INPP5F: variants seen among roughly 807,000 people sequenced by gnomAD.
INPP5F encodes the protein phosphatidylinositide 4-phosphatase SAC2.
A neutral mutation model predicts 137.2 loss-of-function variants in INPP5F; 97 were observed. The ratio of observed to expected loss-of-function variants is 0.71; its 90% CI spans 0.60 to 0.84. The LOEUF is 0.84. Among genes scored for constraint, INPP5F ranks in the 40% least tolerant of loss-of-function variants. The probability of loss-of-function intolerance (pLI) is 0.00; values close to 1 mark genes in which losing one functional copy is unlikely to be tolerated. For missense variants in INPP5F, 1,271 were observed against 1,371.9 expected (o/e 0.93, Z 1.16); for synonymous variants, 504 against 476.9 (o/e 1.06, Z -0.74).
At chr10:119,769,993 A>G (rs1022405669) in intron 2 of INPP5F, among the ~76,000 whole-genome samples, 2 of 152,264 alleles carry the variant, frequency 1.3e-5, no homozygotes, top group Admixed American at 6.5e-5. Flanking sequence ...CTAAAGTGGT[A>G]TGAAAATCTT....
chr10:119,785,286 G>GTTTTTTTTGTTTTTTTTTTTTTTTTTT (rs1849846687), intron 3 of INPP5F, among the ~76,000 whole-genome samples: 2 of 106,238 alleles, frequency 1.9e-5, no homozygotes, highest in African/African-American at 7.5e-5. Flanking sequence ...CTGCCAGACT[G>GTTTTTTTTGTTTTTTTTTTTTTTTTTT]TTTTTTTTTT....
intron 19 of INPP5F, among the ~76,000 whole-genome samples, chr10:119,825,769 CT>C (rs768856763): frequency 4.9e-4 from 74 of 152,176 alleles, no homozygotes; most frequent in Non-Finnish European, 7.5e-4. Flanking sequence ...GGTCCACATT[CT>C]GCTAGTGAAG....
At chr10:119,759,148 C>G (rs564285274) in intron 2 of INPP5F, among the ~76,000 whole-genome samples, 174 of 152,226 alleles carry the variant, frequency 1.1e-3, no homozygotes, top group Admixed American at 2.5e-3. Flanking sequence ...TATGAGTTTG[C>G]CTGTGTATAT....
chr10:119,828,310 C>T lies in INPP5F; in HGVS notation c.*530C>T, dbSNP rs566349552. 3.3e-4 allele frequency: 51 copies of T among 153,056 alleles called. No individual in the cohort carries two copies. Among genetic ancestry groups the T allele is most frequent in the African/African-American group, 1.2e-3 (51 of 41,542 alleles). 9.5% of individuals were successfully genotyped at this position (153,056 alleles called of 1,614,324 possible). A position where few individuals can be genotyped will look rare whatever the true frequency, so the allele number is the denominator to read the frequency against. On this transcript the variant is annotated 3_prime_UTR_variant, in exon 20 of 20. Coordinates refer to ENST00000650623, the MANE Select transcript of INPP5F (RefSeq NM_014937.4). ...CCTGAGGAGTTGAGGGTTATTGACA[C>T]TAGAGAAATGAATTCTCATTTGATC...
chr10:119,814,436 A>C (rs1851180471), intron 15 of INPP5F: 1 of 152,236 alleles, frequency 6.6e-6, no homozygotes, highest in Non-Finnish European at 1.5e-5. Flanking sequence ...CCCAATGAAG[A>C]ATAACTTACC....
Position 119,748,128 on chromosome 10 carries a change from G to A in INPP5F, c.98-2948G>A, listed in dbSNP as rs891328142. 1.3e-5 allele frequency among the ~76,000 whole-genome samples: 2 copies of A among 152,208 alleles called. No homozygotes were observed. The highest frequency in any genetic ancestry group is 2.4e-5 in the African/African-American group (1 of 41,452). On this transcript the variant is annotated intron_variant, in intron 1 of 19. Coordinates refer to ENST00000650623, the MANE Select transcript of INPP5F (RefSeq NM_014937.4). The surrounding 1 kb of genome is among the most constrained non-coding windows in gnomAD (Gnocchi z 4.7). ...AGTGGCGAGTGGTGTATGAGCGAGC[G>A]TGCACGGTCCAGACACTATGCACAG...
At chr10:119,818,274 G>T (rs1463890374) in intron 15 of INPP5F, among the ~76,000 whole-genome samples, 2 of 152,246 alleles carry the variant, frequency 1.3e-5, no homozygotes, top group Non-Finnish European at 2.9e-5. Context: ...GGAAACCACG[G>T]ACCTGCAGGG....
chr10:119,778,220 C>T (rs1257736037), intron 2 of INPP5F, among the ~76,000 whole-genome samples: 3 of 152,218 alleles, frequency 2.0e-5, no homozygotes, highest in South Asian at 2.1e-4. Flanking sequence ...GTTGGCCAGG[C>T]TGGTCTTGAA....
At chr10:119,817,109 C>T (rs568540989) in intron 15 of INPP5F, among the ~76,000 whole-genome samples, 2 of 152,296 alleles carry the variant, frequency 1.3e-5, no homozygotes, top group Non-Finnish European at 2.9e-5. Context: ...CCTTTTGTGA[C>T]TGGCTGCTTT....
chr10:119,767,561 T>G (rs1351077287), intron 2 of INPP5F, among the ~76,000 whole-genome samples: 1 of 152,194 alleles, frequency 6.6e-6, no homozygotes, highest in Non-Finnish European at 1.5e-5. Flanking sequence ...ATAGTTTGAT[T>G]CCTAAATATG....
Position 119,828,885 on chromosome 10 carries a change from G to A in INPP5F, c.*1105G>A, listed in dbSNP as rs553495599. On this transcript the variant is annotated 3_prime_UTR_variant, in exon 20 of 20. Coordinates refer to ENST00000650623, the MANE Select transcript of INPP5F (RefSeq NM_014937.4). ...TCTGAAACACAATTGTGCTGAATCTGTCTGACTATAACTCTGACCACACAG... is the reference window on the plus strand; with the variant it reads ...TCTGAAACACAATTGTGCTGAATCTATCTGACTATAACTCTGACCACACAG... 5 of 152,558 alleles carry A rather than the reference G, an allele frequency of 3.3e-5. No individual in the cohort carries two copies. Among genetic ancestry groups the A allele is most frequent in the East Asian group, 1.9e-4 (1 of 5,180 alleles). 9.5% of individuals were successfully genotyped at this position (152,558 alleles called of 1,614,324 possible).
chr10:119,775,220 C>T (rs196202), intron 2 of INPP5F, among the ~76,000 whole-genome samples: 53,112 of 151,830 alleles, frequency 0.35, 9,698 homozygotes, highest in South Asian at 0.47. Flanking sequence ...TTTTTTTTGC[C>T]ATTTATTTCT....
At chr10:119,743,373 A>G (rs1333494912) in intron 1 of INPP5F, among the ~76,000 whole-genome samples, 1 of 152,184 alleles carries the variant, frequency 6.6e-6, no homozygotes, top group African/African-American at 2.4e-5. Context: ...CCTCTTCCTC[A>G]TGAGTTCCTG....
At chr10:119,784,666 C>T (rs1020287893) in intron 3 of INPP5F, among the ~76,000 whole-genome samples, 1 of 152,124 alleles carries the variant, frequency 6.6e-6, no homozygotes, top group Admixed American at 6.5e-5. Context: ...CAAATATATG[C>T]CTTATTTGTT....
chr10:119,764,345 A>G (rs769048592), intron 2 of INPP5F, among the ~76,000 whole-genome samples: 8 of 150,488 alleles, frequency 5.3e-5, no homozygotes, highest in East Asian at 1.9e-4. Flanking sequence ...AGGCGTGTGC[A>G]CACACACACA....
At chr10:119,807,491 A>G (rs2134247809) in intron 12 of INPP5F, among the ~76,000 whole-genome samples, 1 of 152,284 alleles carries the variant, frequency 6.6e-6, no homozygotes, top group Non-Finnish European at 1.5e-5. Context: ...TAACAGTATC[A>G]ATTACATAGT....
At chr10:119,807,901 T>G in intron 12 of INPP5F, 31 bp from the exon 13 acceptor site, 7 of 1,585,160 alleles carry the variant, frequency 4.4e-6, no homozygotes, top group Non-Finnish European at 6.0e-6. Flanking sequence ...CTGGCCCATA[T>G]ACAGTTAATC....
At chr10:119,794,798 AC>A (rs1354673764) in intron 6 of INPP5F, among the ~76,000 whole-genome samples, 3 of 78,724 alleles carry the variant, frequency 3.8e-5, no homozygotes, top group Admixed American at 1.3e-4. Context: ...CGGGGGGCTG[AC>A]CCCCCCACCT....
chr10:119,820,834 A>G lies in INPP5F; in HGVS notation c.1887-12A>G, dbSNP rs1368268359. ...ATGAAAATACTTAATCTCCTGTGTC[A>G]TATTTGTTTAGCCTCATTGATGCTA... On this transcript the variant is annotated splice_polypyrimidine_tract_variant and intron_variant, in intron 15 of 19. Coordinates refer to ENST00000650623, the MANE Select transcript of INPP5F (RefSeq NM_014937.4). 1.3e-6 allele frequency: 2 copies of G among 1,590,892 alleles called. No individual in the cohort carries two copies. Among genetic ancestry groups the G allele is most frequent in the South Asian group, 2.2e-5 (2 of 90,642 alleles).
Sources: gnomAD v4.1 joint callset for allele counts (sites outside exome capture counted in the v4.1 genomes callset) on GRCh38, gnomAD v4.1.1 for gene constraint, Gnocchi (gnomAD v3.1) non-coding constraint, MANE v1.5 for transcripts, NCBI Gene and HGNC (gene_info 2026-07-23, HGNC 2026-07-21) for gene names.